The following CADPS2 variants were observed in gnomAD, a reference collection of about 807,000 sequenced individuals.
CADPS2 encodes the protein calcium-dependent secretion activator 2.
A neutral mutation model predicts 172.5 loss-of-function variants in CADPS2; 93 were observed. The ratio of observed to expected loss-of-function variants is 0.54; its 90% confidence interval spans 0.46 to 0.64. CADPS2 has a LOEUF of 0.64. Ranked by LOEUF, CADPS2 falls within the 30% of genes least tolerant of loss-of-function variation. The probability of loss-of-function intolerance (pLI) is 0.00; values close to 1 mark genes in which losing one functional copy is unlikely to be tolerated. For synonymous variants in CADPS2, 546 were observed against 555.2 expected, an observed-to-expected ratio of 0.98 and a Z score of 0.23; for missense variants, 1,420 against 1,565.9, an observed-to-expected ratio of 0.91 and a Z score of 1.57.
intron 1 of CADPS2, among the ~76,000 whole-genome samples, chr7:122,793,528 T>A (rs1241059657): frequency 6.6e-6 from 1 of 152,196 alleles, no homozygotes. Flanking sequence ...TGTCACTGCA[T>A]GTGAGATGGG....
intron 19 of CADPS2, 153 bp from the exon 20 acceptor site, chr7:122,407,849 T>G (rs2046835595): frequency 1.5e-6 from 1 of 671,268 alleles, no homozygotes; most frequent in Non-Finnish European, 2.5e-6. Flanking sequence ...TGAGAAAAAT[T>G]TTATAGGTAC....
chr7:122,333,642 T>C (rs564060015), intron 28 of CADPS2, among the ~76,000 whole-genome samples: 28 of 152,338 alleles, frequency 1.8e-4, no homozygotes, highest in African/African-American at 6.7e-4. Flanking sequence ...TCTTAGCCAA[T>C]ACTATCTCTT....
intron 25 of CADPS2, among the ~76,000 whole-genome samples, chr7:122,377,492 G>A (rs2042494443): frequency 6.6e-6 from 1 of 152,084 alleles, no homozygotes; most frequent in South Asian, 2.1e-4. Context: ...GAATGATGCC[G>A]ATTATGCAAA....
chr7:122,508,491 G>A (rs1221733116), intron 9 of CADPS2, among the ~76,000 whole-genome samples: 7 of 84,156 alleles, frequency 8.3e-5, no homozygotes, highest in African/African-American at 9.3e-5. Context: ...TGGAGACAGC[G>A]TTTTGCTCTG....
At chr7:122,815,978 A>T (rs1005474672) in intron 1 of CADPS2, among the ~76,000 whole-genome samples, 8 of 152,232 alleles carry the variant, frequency 5.3e-5, no homozygotes, top group African/African-American at 1.9e-4. Context: ...GAGGGTAATT[A>T]GGATATCCAT....
chr7:122,693,781 C>A (rs1174522712), intron 2 of CADPS2, among the ~76,000 whole-genome samples: 1 of 152,056 alleles, frequency 6.6e-6, no homozygotes, highest in Non-Finnish European at 1.5e-5. Context: ...CATGGCAAAA[C>A]CCCAACTCTA....
At chr7:122,388,828 C>T (rs906916358) in intron 22 of CADPS2, 90 bp from the exon 23 acceptor site, 3 of 1,179,880 alleles carry the variant, frequency 2.5e-6, no homozygotes, top group African/African-American at 1.5e-5. Flanking sequence ...GCATCAATTG[C>T]CATCAGTGAA....
chr7:122,530,034 CACTT>C (rs1308523785), intron 8 of CADPS2, among the ~76,000 whole-genome samples: 19 of 152,004 alleles, frequency 1.2e-4, no homozygotes, highest in African/African-American at 4.3e-4. Context: ...CTATTTGACT[CACTT>C]AATATTTACT....
At chr7:122,483,714 A>G (rs540981344) in intron 11 of CADPS2, among the ~76,000 whole-genome samples, 298 of 152,250 alleles carry the variant, frequency 2.0e-3, no homozygotes, top group Middle Eastern at 0.01. Flanking sequence ...TGCAAAAGCC[A>G]AGAGAGGAGA....
intron 2 of CADPS2, among the ~76,000 whole-genome samples, chr7:122,722,357 A>T (rs1270909011): frequency 6.6e-6 from 1 of 151,994 alleles, no homozygotes; most frequent in Non-Finnish European, 1.5e-5. Context: ...CAGGATACAA[A>T]ATCAATGTGC....
intron 14 of CADPS2, among the ~76,000 whole-genome samples, chr7:122,465,807 T>C (rs751996063): frequency 2.6e-5 from 4 of 152,154 alleles, no homozygotes; most frequent in Non-Finnish European, 5.9e-5. Flanking sequence ...CCAGTTCATT[T>C]TGTGTGGCTA....
intron 2 of CADPS2, chr7:122,698,394 G>C (rs145587897): frequency 6.8e-6 from 11 of 1,613,722 alleles, no homozygotes; most frequent in Middle Eastern, 1.6e-4. Context: ...CCTCAACCAC[G>C]GCTGTAATGA....
intron 27 of CADPS2, among the ~76,000 whole-genome samples, chr7:122,355,730 G>A (rs537934017): frequency 2.6e-5 from 4 of 152,246 alleles, no homozygotes; most frequent in Non-Finnish European, 5.9e-5. Context: ...AACTGGACAA[G>A]AACTCACATG....
At chr7:122,534,155 T>C (rs991899544) in intron 8 of CADPS2, among the ~76,000 whole-genome samples, 1 of 152,160 alleles carries the variant, frequency 6.6e-6, no homozygotes, top group African/African-American at 2.4e-5. Flanking sequence ...ATTCTATTTA[T>C]TGCACCTGAA....
At chr7:122,463,717 G>A (rs976998957) in intron 14 of CADPS2, among the ~76,000 whole-genome samples, 43 of 152,178 alleles carry the variant, frequency 2.8e-4, no homozygotes, top group Admixed American at 2.7e-3. Flanking sequence ...TTCATCTTTG[G>A]CAAACAGTAT....
chr7:122,847,875 A>T (rs1359661969), intron 1 of CADPS2, among the ~76,000 whole-genome samples: 3 of 152,262 alleles, frequency 2.0e-5, no homozygotes, highest in Non-Finnish European at 4.4e-5. Context: ...AGCATGTATT[A>T]AAGTACTTGT....
intron 8 of CADPS2, among the ~76,000 whole-genome samples, chr7:122,526,113 A>G (rs2061210807): frequency 6.6e-6 from 1 of 152,146 alleles, no homozygotes; most frequent in Non-Finnish European, 1.5e-5. Context: ...TTGACGTGTT[A>G]GTTGGTCAGA....
At position 122,726,123 on chromosome 7, in the gene CADPS2, A is replaced by G. The variant is rs1003969313; in HGVS notation, c.453+10832T>C. On this transcript the variant is annotated intron_variant, in intron 2 of 29. Transcript: ENST00000449022. ...CAGAGGCAAAAGAATGCTTTTCCCA[A>G]TGATCTTATGAAAATAAGATTCTCC... is the stretch of plus-strand genomic sequence containing the variant. 3.3e-5 allele frequency among the ~76,000 whole-genome samples: 5 copies of G among 152,102 alleles called. No homozygotes were observed. The East Asian group carries it at 7.8e-4, about 24-fold the overall frequency.
chr7:122,752,628 C>T (rs1338293118), intron 1 of CADPS2, among the ~76,000 whole-genome samples: 1 of 152,154 alleles, frequency 6.6e-6, no homozygotes, highest in Non-Finnish European at 1.5e-5. Flanking sequence ...TCTTCCCAAA[C>T]ATTAGTCATA....
Sources: gnomAD v4.1 joint callset for allele counts (sites outside exome capture counted in the v4.1 genomes callset) on GRCh38, gnomAD v4.1.1 for gene constraint, MANE v1.5 for transcripts, NCBI Gene and HGNC (gene_info 2026-07-23, HGNC 2026-07-21) for gene names.